The following GRB14 variants were observed in gnomAD, a reference collection of about 807,000 sequenced individuals.
GRB14 encodes the protein growth factor receptor bound protein 14, also known as growth factor receptor-bound protein 14.
A neutral mutation model predicts 69.1 loss-of-function variants in GRB14; 38 were observed. The observed-to-expected ratio is 0.55, with a 90% CI of 0.42 to 0.72. The LOEUF (loss-of-function observed/expected upper bound fraction) is 0.72. GRB14 is among the 30% of genes least tolerant of loss of function. The pLI is 0.00. For synonymous variants in GRB14, 247 were observed against 241.3 expected, an observed-to-expected ratio of 1.02 and a Z score of -0.22; for missense variants, 666 against 666.1, an observed-to-expected ratio of 1.00 and a Z score of 0.00.
intron 2 of GRB14, among the ~76,000 whole-genome samples, chr2:164,583,139 T>C (rs536866170): frequency 6.6e-6 from 1 of 152,168 alleles, no homozygotes; most frequent in African/African-American, 2.4e-5. Flanking sequence ...CTCTCAACTT[T>C]CCCTTCATTC....
At chr2:164,615,341 T>G (rs1558885716) in intron 2 of GRB14, among the ~76,000 whole-genome samples, 1 of 152,144 alleles carries the variant, frequency 6.6e-6, no homozygotes, top group Non-Finnish European at 1.5e-5. Flanking sequence ...AGAAGAAAGC[T>G]AGAAGAAAAA....
intron 8 of GRB14, among the ~76,000 whole-genome samples, chr2:164,506,456 A>G (rs1372017075): frequency 1.3e-5 from 2 of 152,216 alleles, no homozygotes; most frequent in African/African-American, 4.8e-5. Context: ...AAAGTAAATA[A>G]CAAGTATTGA....
chr2:164,575,006 C>T (rs762001947), intron 2 of GRB14, among the ~76,000 whole-genome samples: 1 of 151,718 alleles, frequency 6.6e-6, no homozygotes, highest in Non-Finnish European at 1.5e-5. Context: ...AAGACACTTC[C>T]TAGTAAAATT....
intron 2 of GRB14, among the ~76,000 whole-genome samples, chr2:164,619,302 T>C (rs905472169): frequency 6.6e-5 from 10 of 152,160 alleles, no homozygotes; most frequent in Non-Finnish European, 1.3e-4. Context: ...AAAGAAAGTA[T>C]TAAAGGAATC....
At chr2:164,599,808 G>C (rs560786962) in intron 2 of GRB14, among the ~76,000 whole-genome samples, 2 of 152,136 alleles carry the variant, frequency 1.3e-5, no homozygotes, top group Non-Finnish European at 2.9e-5. Flanking sequence ...ATATCTGTCT[G>C]TTGTAGATTT....
intron 9 of GRB14, among the ~76,000 whole-genome samples, chr2:164,501,428 CTG>C (rs1443748131): frequency 9.9e-5 from 15 of 152,200 alleles, no homozygotes; most frequent in Non-Finnish European, 2.2e-4. Context: ...TGCACATTAA[CTG>C]ATTTGTAACA....
At chr2:164,504,485 T>C (rs75176998) in intron 8 of GRB14, among the ~76,000 whole-genome samples, 1 of 152,182 alleles carries the variant, frequency 6.6e-6, no homozygotes, top group African/African-American at 2.4e-5. Flanking sequence ...CACTCCACCA[T>C]TAGAATGCCA....
intron 2 of GRB14, among the ~76,000 whole-genome samples, chr2:164,616,342 C>A (rs1351310211): frequency 1.4e-5 from 2 of 145,660 alleles, no homozygotes; most frequent in East Asian, 4.1e-4. Flanking sequence ...AGGAGAATGG[C>A]ATGAACCCAG....
chr2:164,512,814 T>A (rs902151126), intron 6 of GRB14, among the ~76,000 whole-genome samples: 5 of 152,314 alleles, frequency 3.3e-5, no homozygotes, highest in African/African-American at 1.2e-4. Flanking sequence ...ATATCTCCTA[T>A]CAAGACCATT....
chr2:164,535,209 G>T (rs973818482), intron 3 of GRB14, among the ~76,000 whole-genome samples: 11 of 151,512 alleles, frequency 7.3e-5, no homozygotes, highest in African/African-American at 2.7e-4. Flanking sequence ...GAGGTCTTAT[G>T]GTAATAAAAA....
intron 2 of GRB14, among the ~76,000 whole-genome samples, chr2:164,569,867 C>A (rs979490166): frequency 5.3e-5 from 8 of 151,976 alleles, no homozygotes; most frequent in African/African-American, 1.9e-4. Flanking sequence ...AAGAAAATTA[C>A]CAAGAAAGCA....
At chr2:164,582,786 T>A (rs554437446) in intron 2 of GRB14, among the ~76,000 whole-genome samples, 3 of 152,178 alleles carry the variant, frequency 2.0e-5, no homozygotes, top group Non-Finnish European at 2.9e-5. Context: ...TAACCTAATA[T>A]CTTCCCTGGT....
chr2:164,592,454 C>T (rs957590057), intron 2 of GRB14, among the ~76,000 whole-genome samples: 1 of 152,088 alleles, frequency 6.6e-6, no homozygotes, highest in African/African-American at 2.4e-5. Context: ...ATGTCTTTAT[C>T]AGCAGTGTGA....
At chr2:164,524,882 C>A in intron 5 of GRB14, 122 bp downstream of exon 5, 2 of 567,822 alleles carry the variant, frequency 3.5e-6, no homozygotes, top group African/African-American at 2.0e-5. Context: ...TTACCTCCAG[C>A]AAAAAATATT....
At chr2:164,536,096 T>C (rs1265417007) in intron 3 of GRB14, among the ~76,000 whole-genome samples, 2 of 152,232 alleles carry the variant, frequency 1.3e-5, no homozygotes, top group Non-Finnish European at 2.9e-5. Flanking sequence ...GTGATTTCTT[T>C]GGCTTCTTTT....
Position 164,522,054 on chromosome 2 carries a change from T to A in GRB14, c.742A>T (p.Lys248Ter). The A allele has an allele frequency of 6.2e-7, 1 of 1,603,400 alleles. No homozygotes were observed. Among genetic ancestry groups the A allele is most frequent in the Middle Eastern group, 1.7e-4 (1 of 5,982 alleles). ...HGFLHAKEQG[K>*]KSWKKIYFFL... The stretch of plus-strand genomic sequence containing the variant: ...AAGTAAATTTTTTTCCAAGACTTCT[T>A]TCCCTGTTCTTTCGCATGTAAGAAA... Residue 248 changes from lysine (K) to a stop codon, truncating the protein, a stop_gained, in exon 6 of 14, where the codon AAG (lysine) becomes TAG (stop). Coordinates refer to ENST00000263915, the MANE Select transcript of GRB14 (RefSeq NM_004490.3). LOFTEE classifies it high-confidence loss of function.
At chr2:164,493,222 T>C in intron 13 of GRB14, 40 bp from the exon 14 acceptor site, 1 of 1,586,850 alleles carries the variant, frequency 6.3e-7, no homozygotes, top group Non-Finnish European at 8.6e-7. Context: ...AGAGGATAAA[T>C]TACACAGAAG....
At chr2:164,594,776 C>T (rs1053076320) in intron 2 of GRB14, among the ~76,000 whole-genome samples, 1 of 152,104 alleles carries the variant, frequency 6.6e-6, no homozygotes, top group Non-Finnish European at 1.5e-5. Context: ...TTTTAACTTA[C>T]CCACTAAATA....
chr2:164,590,825 T>C (rs1689644235), intron 2 of GRB14, among the ~76,000 whole-genome samples: 1 of 152,358 alleles, frequency 6.6e-6, no homozygotes, highest in Non-Finnish European at 1.5e-5. Flanking sequence ...ATTATTTTCA[T>C]ATTAAAATGC....
Sources: gnomAD v4.1 joint callset for allele counts (sites outside exome capture counted in the v4.1 genomes callset) on GRCh38, gnomAD v4.1.1 for gene constraint, MANE v1.5 for transcripts, NCBI Gene and HGNC (gene_info 2026-07-23, HGNC 2026-07-21) for gene names.